ADD3: variants seen among roughly 807,000 people sequenced by gnomAD.
ADD3 encodes adducin 3, also known as gamma-adducin.
ADD3 carries 25 observed loss-of-function variants against 80.2 expected under a neutral mutation model. The ratio of observed to expected loss-of-function variants is 0.31; its 90% CI spans 0.23 to 0.44. The LOEUF is 0.44. ADD3 is among the 20% of genes least tolerant of loss of function. The pLI, the probability that ADD3 is intolerant of heterozygous loss-of-function variation, is 1.00. For synonymous variants in ADD3, 284 were observed against 289.6 expected (o/e 0.98, Z 0.20); for missense variants, 829 against 847.5 (o/e 0.98, Z 0.27).
At chr10:110,010,744 G>A (rs1852242960) in intron 1 of ADD3, among the ~76,000 whole-genome samples, 1 of 152,204 alleles carries the variant, frequency 6.6e-6, no homozygotes, top group Admixed American at 6.5e-5. Flanking sequence ...TCTTCCCAAG[G>A]TGACACAGGT....
intron 1 of ADD3, among the ~76,000 whole-genome samples, chr10:110,057,977 A>G (rs1470088360): frequency 6.6e-6 from 1 of 152,262 alleles, no homozygotes; most frequent in African/African-American, 2.4e-5. Flanking sequence ...AAGTGGAAAT[A>G]TGCTATCATT....
In ADD3 at chr10:110,130,424, T is replaced by G; in HGVS notation, c.1670T>G (p.Leu557Arg). Residue 557 changes from leucine (L) to arginine (R), a missense_variant, in exon 13 of 15, where the codon CTC becomes CGC. Transcript: ENST00000356080. Reference sequence around the variant, plus strand: ...GCTCCTCCTAACCCATTTAGTCATCTCACAGAAGGAGAACTTGAAGAGTAT... The same window carrying G: ...GCTCCTCCTAACCCATTTAGTCATCGCACAGAAGGAGAACTTGAAGAGTAT... ...PPAPPNPFSH[L>R]TEGELEEYKR... 1 of 1,614,114 alleles carries G rather than the reference T, an allele frequency of 6.2e-7. No homozygotes were observed. The highest frequency in any genetic ancestry group is 8.5e-7 in the Non-Finnish European group (1 of 1,179,970).
At chr10:110,086,279 A>G (rs984631549) in intron 1 of ADD3, among the ~76,000 whole-genome samples, 1 of 151,958 alleles carries the variant, frequency 6.6e-6, no homozygotes, top group Admixed American at 6.6e-5. Flanking sequence ...GCATGGTGGC[A>G]CGTGCCTGTA....
chr10:109,998,033 G>A (rs10884919), intron 1 of ADD3, among the ~76,000 whole-genome samples: 39,581 of 151,974 alleles, frequency 0.26, 7,417 homozygotes, highest in African/African-American at 0.52. Flanking sequence ...ACTGTACTAG[G>A]GATACAACAA....
chr10:110,060,943 G>C (rs1357548522), intron 1 of ADD3, among the ~76,000 whole-genome samples: 2 of 152,190 alleles, frequency 1.3e-5, no homozygotes, highest in African/African-American at 4.8e-5. Flanking sequence ...TATGACCTTA[G>C]ATAGTGACAT....
chr10:110,127,570 T>G (rs553084489), intron 12 of ADD3, among the ~76,000 whole-genome samples: 1 of 152,346 alleles, frequency 6.6e-6, no homozygotes, highest in East Asian at 1.9e-4. Context: ...TGAGCCAAGA[T>G]CATGCCACTG....
intron 1 of ADD3, among the ~76,000 whole-genome samples, chr10:110,052,487 C>T (rs1441315751): frequency 6.6e-6 from 1 of 152,186 alleles, no homozygotes; most frequent in African/African-American, 2.4e-5. Context: ...ATTTAGGTTG[C>T]ACACTCCTCA....
chr10:110,098,712 C>T (rs184868425), intron 1 of ADD3, among the ~76,000 whole-genome samples: 5 of 152,174 alleles, frequency 3.3e-5, no homozygotes, highest in African/African-American at 1.2e-4. Context: ...TCACTGCAAC[C>T]TCCGCCTCCC....
intron 1 of ADD3, among the ~76,000 whole-genome samples, chr10:110,056,269 G>C (rs111366574): frequency 2.9e-4 from 44 of 152,242 alleles, no homozygotes; most frequent in Middle Eastern, 3.4e-3. Flanking sequence ...TTGCATACTA[G>C]AGTTACTCAC....
At chr10:110,078,125 T>C (rs1318784385) in intron 1 of ADD3, among the ~76,000 whole-genome samples, 1 of 152,200 alleles carries the variant, frequency 6.6e-6, no homozygotes. Context: ...CCTTTTTACT[T>C]GGTAGTAATT....
chr10:110,009,404 A>G (rs1381405489), intron 1 of ADD3, among the ~76,000 whole-genome samples: 2 of 152,020 alleles, frequency 1.3e-5, no homozygotes, highest in African/African-American at 4.8e-5. Flanking sequence ...GCTTTAGAAG[A>G]CTCCTAGTGA....
intron 1 of ADD3, among the ~76,000 whole-genome samples, chr10:109,997,919 C>A (rs558565739): frequency 6.6e-6 from 1 of 152,212 alleles, no homozygotes; most frequent in South Asian, 2.1e-4. Flanking sequence ...TAAATCCGGG[C>A]GGTTTTCATG....
intron 11 of ADD3, 83 bp downstream of exon 11, chr10:110,126,028 C>A: frequency 7.2e-7 from 1 of 1,379,970 alleles, no homozygotes; most frequent in Non-Finnish European, 9.9e-7. Context: ...TGGTTAATGC[C>A]AAACTTAGAA....
intron 1 of ADD3, among the ~76,000 whole-genome samples, chr10:110,022,102 G>C (rs1193891479): frequency 6.6e-6 from 1 of 152,042 alleles, no homozygotes; most frequent in East Asian, 1.9e-4. Context: ...ATCAGGAGGT[G>C]GTTTGTGATA....
chr10:110,014,114 G>A (rs1471269077), intron 1 of ADD3, among the ~76,000 whole-genome samples: 3 of 152,172 alleles, frequency 2.0e-5, no homozygotes, highest in African/African-American at 7.2e-5. Context: ...AAGATAGTTA[G>A]GCTTACTTGG....
chr10:110,092,639 A>G (rs1380519734), intron 1 of ADD3, among the ~76,000 whole-genome samples: 1 of 152,216 alleles, frequency 6.6e-6, no homozygotes, highest in Non-Finnish European at 1.5e-5. Flanking sequence ...TACTTGGCTT[A>G]TGAAATCATT....
chr10:110,087,472 C>T (rs1446635746), intron 1 of ADD3, among the ~76,000 whole-genome samples: 1 of 152,132 alleles, frequency 6.6e-6, no homozygotes, highest in African/African-American at 2.4e-5. Context: ...TGTGGTTGGC[C>T]TTCATTATGA....
At chr10:110,059,461 G>A (rs531077250) in intron 1 of ADD3, among the ~76,000 whole-genome samples, 2 of 151,998 alleles carry the variant, frequency 1.3e-5, no homozygotes, top group Admixed American at 6.5e-5. Context: ...GACAAAGTGA[G>A]CAAGACTCTG....
chr10:110,040,921 T>TCTCTCTCG (rs1400917924), intron 1 of ADD3, among the ~76,000 whole-genome samples: 9 of 137,168 alleles, frequency 6.6e-5, no homozygotes, highest in Non-Finnish European at 9.4e-5. Flanking sequence ...ACGCGCTCTC[T>TCTCTCTCG]CTCTCTCGCT....
Sources: allele counts gnomAD v4.1 joint callset (sites outside exome capture counted in the v4.1 genomes callset), GRCh38; gene constraint gnomAD v4.1.1; transcripts MANE v1.5; gene names NCBI Gene and HGNC (gene_info 2026-07-23, HGNC 2026-07-21).